Variants in MALRD1 observed in about 807,000 individuals in gnomAD.
The protein encoded by MALRD1 is MAM and LDL-receptor class A domain-containing protein 1.
A neutral mutation model predicts 242.1 loss-of-function variants in MALRD1; 247 were observed. That is an observed-to-expected ratio of 1.02 (90% CI 0.92 to 1.13). The LOEUF (loss-of-function observed/expected upper bound fraction) is 1.13. Among genes scored for constraint, MALRD1 ranks in the 50% most tolerant of loss-of-function variants. MALRD1 has a pLI of 0.00. For missense variants in MALRD1, 2,989 were observed against 2,533.1 expected (o/e 1.18, Z -3.86); for synonymous variants, 995 against 866.6 (o/e 1.15, Z -2.60).
rs761862081 is a variant in MALRD1, at chr10:19,331,388, G to A, written c.3707G>A (p.Arg1236His). ...SHTQIVFRAKRGISYIGDVAV... is the reference protein window; with the variant it reads ...SHTQIVFRAKHGISYIGDVAV... ...TTTTAGATTGTCTTCAGAGCCAAACGTGGTATCAGTTACATAGGAGATGTA... is the reference window on the plus strand; with the variant it reads ...TTTTAGATTGTCTTCAGAGCCAAACATGGTATCAGTTACATAGGAGATGTA... The change falls in exon 24 of 40, where the codon CGT becomes CAT. Residue 1236 changes from arginine to histidine, a missense_variant. Arg to His is a conservative substitution (Grantham distance 29, BLOSUM62 0). Transcript: ENST00000454679. The A allele has an allele frequency of 3.2e-5, 50 of 1,550,138 alleles. No individual in the cohort carries two copies. Among genetic ancestry groups the A allele is most frequent in the African/African-American group, 2.7e-4 (20 of 72,930 alleles).
intron 19 of MALRD1, among the ~76,000 whole-genome samples, chr10:19,270,290 G>A (rs1370600813): frequency 6.6e-6 from 1 of 150,978 alleles, no homozygotes; most frequent in African/African-American, 2.4e-5. Context: ...ACTCCAGCCT[G>A]GGCCACAGTG....
At chr10:19,118,359 T>A (rs370100840) in intron 5 of MALRD1, among the ~76,000 whole-genome samples, 12 of 152,206 alleles carry the variant, frequency 7.9e-5, no homozygotes, top group African/African-American at 2.9e-4. Context: ...TTTTACACAA[T>A]TTGGGGAGAC....
At chr10:19,589,985 C>A (rs936743729) in intron 33 of MALRD1, among the ~76,000 whole-genome samples, 2 of 152,138 alleles carry the variant, frequency 1.3e-5, no homozygotes, top group Non-Finnish European at 1.5e-5. Flanking sequence ...GACCTTATAA[C>A]ATTTCCCTTG....
intron 18 of MALRD1, among the ~76,000 whole-genome samples, chr10:19,243,924 CA>C (rs146836474): frequency 0.085 from 12,890 of 151,566 alleles, 737 homozygotes; most frequent in African/African-American, 0.16. Flanking sequence ...GAAAGAAATG[CA>C]AAAAAAGTAT....
At position 19,701,850 on chromosome 10, in the gene MALRD1, C is replaced by T. The variant is rs564224802; in HGVS notation, c.6314+9296C>T. Among the ~76,000 whole-genome samples, 3 of 151,196 alleles carry T rather than the reference C, an allele frequency of 2.0e-5. No homozygotes were observed. In the East Asian group the frequency reaches 5.9e-4, roughly 30 times the overall value. On this transcript the variant is annotated intron_variant, in intron 38 of 39. Coordinates refer to ENST00000454679, the MANE Select transcript of MALRD1 (RefSeq NM_001142308.3). ...TCACCTTCTCCCTTCTCCCTCCTCC[C>T]TTCTCTCTCTTCTTCCTTTCTCTTC...
At chr10:19,168,670 A>G (rs992500751) in intron 13 of MALRD1, among the ~76,000 whole-genome samples, 3 of 152,124 alleles carry the variant, frequency 2.0e-5, no homozygotes, top group Non-Finnish European at 4.4e-5. Context: ...CATATTAACT[A>G]GTTTGTAGAT....
chr10:19,319,777 C>T (rs1842842986), intron 21 of MALRD1, among the ~76,000 whole-genome samples: 1 of 151,904 alleles, frequency 6.6e-6, no homozygotes, highest in South Asian at 2.1e-4. Flanking sequence ...AATCGACTCC[C>T]CAAAGGCCCT....
intron 29 of MALRD1, among the ~76,000 whole-genome samples, chr10:19,465,268 G>A (rs1197326968): frequency 6.6e-6 from 1 of 152,036 alleles, no homozygotes; most frequent in Non-Finnish European, 1.5e-5. Flanking sequence ...TGGTGAGAGT[G>A]GGCATCCTTG....
intron 31 of MALRD1, among the ~76,000 whole-genome samples, chr10:19,502,215 T>C (rs2026465): frequency 0.44 from 67,331 of 151,560 alleles, 15,910 homozygotes; most frequent in Non-Finnish European, 0.53. Flanking sequence ...TCAATATTTC[T>C]ATTTATCAAT....
At chr10:19,439,340 G>T (rs1834503922) in intron 28 of MALRD1, among the ~76,000 whole-genome samples, 1 of 151,912 alleles carries the variant, frequency 6.6e-6, no homozygotes, top group South Asian at 2.1e-4. Flanking sequence ...AAACCAGCCT[G>T]GGCAACATAG....
chr10:19,508,474 A>G (rs1448307254), intron 31 of MALRD1, among the ~76,000 whole-genome samples: 1 of 152,208 alleles, frequency 6.6e-6, no homozygotes, highest in Non-Finnish European at 1.5e-5. Flanking sequence ...TTGGAATACC[A>G]AATTTTCTGA....
intron 19 of MALRD1, among the ~76,000 whole-genome samples, chr10:19,275,144 AATTT>A (rs750011832): frequency 6.6e-6 from 1 of 152,134 alleles, no homozygotes; most frequent in Non-Finnish European, 1.5e-5. Flanking sequence ...CTATAATAAC[AATTT>A]ATTTAGTCTT....
chr10:19,346,868 T>A (rs1844154742), intron 24 of MALRD1, among the ~76,000 whole-genome samples: 2 of 152,106 alleles, frequency 1.3e-5, no homozygotes, highest in Admixed American at 1.3e-4. Flanking sequence ...CAGGCTGGTC[T>A]TGAACTCCTG....
intron 36 of MALRD1, among the ~76,000 whole-genome samples, chr10:19,637,501 A>G (rs969197216): frequency 6.6e-6 from 1 of 152,204 alleles, no homozygotes; most frequent in Non-Finnish European, 1.5e-5. Context: ...TGTGCTCACG[A>G]TAAAACTGGA....
intron 36 of MALRD1, among the ~76,000 whole-genome samples, chr10:19,642,801 A>G (rs1251704652): frequency 1.3e-5 from 2 of 152,006 alleles, no homozygotes; most frequent in Admixed American, 6.6e-5. Context: ...TATTGCATCT[A>G]TGTATTACTA....
chr10:19,251,407 C>T (rs1306726781), intron 18 of MALRD1, among the ~76,000 whole-genome samples: 1 of 151,976 alleles, frequency 6.6e-6, no homozygotes, highest in Non-Finnish European at 1.5e-5. Context: ...TGCCAGCAGC[C>T]TATTCCAGCT....
At chr10:19,079,334 G>C (rs1303566982) in intron 2 of MALRD1, among the ~76,000 whole-genome samples, 1 of 151,654 alleles carries the variant, frequency 6.6e-6, no homozygotes, top group Non-Finnish European at 1.5e-5. Flanking sequence ...GTTATACCTG[G>C]AGAACATACT....
chr10:19,312,408 A>ATGTGTG (rs774610118), intron 21 of MALRD1, among the ~76,000 whole-genome samples: 10 of 144,016 alleles, frequency 6.9e-5, no homozygotes, highest in African/African-American at 2.6e-4. Flanking sequence ...ATATGTGTAT[A>ATGTGTG]TGTGTGTGTG....
chr10:19,229,948 G>A (rs942749190), intron 18 of MALRD1, among the ~76,000 whole-genome samples: 2 of 152,142 alleles, frequency 1.3e-5, no homozygotes, highest in Non-Finnish European at 2.9e-5. Context: ...ACATGTTGTG[G>A]GAGGGACCTC....
Sources: gnomAD v4.1 joint callset for allele counts (sites outside exome capture counted in the v4.1 genomes callset) on GRCh38, gnomAD v4.1.1 for gene constraint, MANE v1.5 for transcripts, NCBI Gene and HGNC (gene_info 2026-07-23, HGNC 2026-07-21) for gene names.